RAD51B: variants seen among roughly 807,000 people sequenced by gnomAD.
The protein encoded by RAD51B is DNA repair protein RAD51 homolog 2.
RAD51B carries 38 observed loss-of-function variants against 42.2 expected under a neutral mutation model. The ratio of observed to expected loss-of-function variants is 0.90; its 90% CI spans 0.70 to 1.18. The LOEUF (loss-of-function observed/expected upper bound fraction) is 1.18. RAD51B is among the 50% of genes most tolerant of loss of function. The pLI, the probability that RAD51B is intolerant of heterozygous loss-of-function variation, is 0.00. For missense variants in RAD51B, 373 were observed against 400.7 expected (o/e 0.93, Z 0.59); for synonymous variants, 154 against 145.2 (o/e 1.06, Z -0.43).
chr14:68,028,532 C>G (rs767834236), intron 7 of RAD51B, among the ~76,000 whole-genome samples: 3 of 152,216 alleles, frequency 2.0e-5, no homozygotes, highest in Non-Finnish European at 4.4e-5. Context: ...CTTGGCACTC[C>G]CGAGCTGTCC....
chr14:67,893,467 G>GACACAC (rs756541648), intron 7 of RAD51B, among the ~76,000 whole-genome samples: 3 of 111,292 alleles, frequency 2.7e-5, no homozygotes, highest in East Asian at 2.3e-4. Context: ...CACAGACACA[G>GACACAC]ACACACACAC....
At chr14:68,675,749 G>T (rs1228239294) in intron 11 of RAD51B, among the ~76,000 whole-genome samples, 2 of 152,196 alleles carry the variant, frequency 1.3e-5, no homozygotes, top group Non-Finnish European at 2.9e-5. Context: ...ATTGCCTTGG[G>T]CCTTCAGAGC....
chr14:68,335,699 T>G (rs1595722271), intron 8 of RAD51B, among the ~76,000 whole-genome samples: 1 of 152,182 alleles, frequency 6.6e-6, no homozygotes, highest in East Asian at 1.9e-4. Flanking sequence ...AATGAAGAAA[T>G]TGTGGTCTTG....
chr14:68,143,020 T>C (rs1444582253), intron 7 of RAD51B, among the ~76,000 whole-genome samples: 5 of 121,016 alleles, frequency 4.1e-5, no homozygotes, highest in African/African-American at 6.8e-5. Flanking sequence ...GGCGAGGGGG[T>C]GGGGGGGGAG....
chr14:68,371,878 A>C (rs1186993944), intron 8 of RAD51B, among the ~76,000 whole-genome samples: 2 of 152,234 alleles, frequency 1.3e-5, no homozygotes, highest in Admixed American at 6.5e-5. Flanking sequence ...GAAGAGAAAG[A>C]TATGCAAGTG....
intron 7 of RAD51B, among the ~76,000 whole-genome samples, chr14:68,204,911 G>A (rs1328615892): frequency 6.6e-6 from 1 of 152,042 alleles, no homozygotes; most frequent in Non-Finnish European, 1.5e-5. Flanking sequence ...ATTCAAATGG[G>A]GAAATACTCA....
At chr14:68,665,987 C>T (rs893851810) in intron 11 of RAD51B, among the ~76,000 whole-genome samples, 3 of 152,148 alleles carry the variant, frequency 2.0e-5, no homozygotes, top group South Asian at 4.1e-4. Flanking sequence ...CAATGAGATA[C>T]CTTAAGGTCT....
chr14:67,989,105 A>G (rs151331813), intron 7 of RAD51B, among the ~76,000 whole-genome samples: 4 of 152,304 alleles, frequency 2.6e-5, no homozygotes, highest in East Asian at 1.9e-4. Context: ...TTCCTGATCT[A>G]TCCACTACTG....
chr14:68,476,300 A>T (rs982981546), intron 10 of RAD51B, among the ~76,000 whole-genome samples: 1 of 152,186 alleles, frequency 6.6e-6, no homozygotes, highest in Non-Finnish European at 1.5e-5. Flanking sequence ...CTCTTGACAG[A>T]AGCCAATTTC....
chr14:68,153,611 T>C (rs1211751519), intron 7 of RAD51B, among the ~76,000 whole-genome samples: 1 of 152,254 alleles, frequency 6.6e-6, no homozygotes, highest in East Asian at 1.9e-4. Context: ...TTTTTTCATA[T>C]GCTCGTTGGC....
At chr14:68,021,703 T>C (rs1474422391) in intron 7 of RAD51B, among the ~76,000 whole-genome samples, 1 of 152,238 alleles carries the variant, frequency 6.6e-6, no homozygotes, top group Non-Finnish European at 1.5e-5. Flanking sequence ...AAAGCAGTTA[T>C]AGCAATAAAG....
chr14:68,418,197 G>T (rs1336230982), intron 9 of RAD51B, among the ~76,000 whole-genome samples: 1 of 152,130 alleles, frequency 6.6e-6, no homozygotes, highest in Non-Finnish European at 1.5e-5. Context: ...AAAAGGTAAA[G>T]GCACTTTAAC....
chr14:68,054,299 A>G (rs2076439561), intron 7 of RAD51B, among the ~76,000 whole-genome samples: 1 of 152,094 alleles, frequency 6.6e-6, no homozygotes, highest in South Asian at 2.1e-4. Flanking sequence ...GCAACTTGAC[A>G]TTTTTTATGA....
chr14:68,660,392 AAAGGGATTTGTG>A (rs985379342), intron 11 of RAD51B, among the ~76,000 whole-genome samples: 39 of 152,332 alleles, frequency 2.6e-4, no homozygotes, highest in Admixed American at 2.5e-3. Flanking sequence ...TTCACTTTAA[AAAGGGATTTGTG>A]AGAAGCTTGG....
chr14:67,843,003 C>A (rs191102110), intron 4 of RAD51B, among the ~76,000 whole-genome samples: 1 of 151,988 alleles, frequency 6.6e-6, no homozygotes, highest in Non-Finnish European at 1.5e-5. Context: ...ACTAGCCCTG[C>A]GTCTCAGGAA....
intron 10 of RAD51B, chr14:68,541,545 A>G: frequency 1.0e-6 from 1 of 985,464 alleles, no homozygotes; most frequent in Non-Finnish European, 1.2e-6. Flanking sequence ...GTCAGAGGGG[A>G]AAGTTGAGTC....
At chr14:67,951,190 A>G (rs1277824755) in intron 7 of RAD51B, among the ~76,000 whole-genome samples, 1 of 152,230 alleles carries the variant, frequency 6.6e-6, no homozygotes, top group Non-Finnish European at 1.5e-5. Context: ...CTGAATGTGT[A>G]AAAGACCACA....
intron 4 of RAD51B, among the ~76,000 whole-genome samples, chr14:67,849,245 T>C (rs1356023634): frequency 6.6e-6 from 1 of 152,198 alleles, no homozygotes; most frequent in African/African-American, 2.4e-5. Context: ...TCAAAGACTT[T>C]GTTCATTTTA....
At chr14:67,962,437 G>A (rs1423785553) in intron 7 of RAD51B, among the ~76,000 whole-genome samples, 5 of 152,184 alleles carry the variant, frequency 3.3e-5, no homozygotes, top group Non-Finnish European at 7.4e-5. Context: ...CTTCAGTCAT[G>A]TAAGCAAAAG....
Sources: allele counts gnomAD v4.1 joint callset (sites outside exome capture counted in the v4.1 genomes callset), GRCh38; gene constraint gnomAD v4.1.1; transcripts MANE v1.5; gene names NCBI Gene and HGNC (gene_info 2026-07-23, HGNC 2026-07-21).